Variants in FHIT observed in about 807,000 individuals in gnomAD.
FHIT encodes the protein bis(5'-adenosyl)-triphosphatase.
In FHIT, 19 loss-of-function variants were observed where a neutral mutation model predicts 17.9. That is an observed-to-expected ratio of 1.06 (90% CI 0.74 to 1.56). FHIT has a LOEUF of 1.56. Ranked by LOEUF, FHIT falls within the 40% of genes most tolerant of loss-of-function variation. The pLI is 0.00. For synonymous variants in FHIT, 81 were observed against 69.7 expected, an observed-to-expected ratio of 1.16 and a Z score of -0.81; for missense variants, 248 against 189.2, an observed-to-expected ratio of 1.31 and a Z score of -1.82.
intron 5 of FHIT, among the ~76,000 whole-genome samples, chr3:60,111,089 G>A (rs1320599455): frequency 6.6e-6 from 1 of 151,602 alleles, no homozygotes; most frequent in Non-Finnish European, 1.5e-5. Context: ...GATCTGATAG[G>A]CCAAGAAGAA....
At chr3:60,021,407 T>C (rs774636092) in intron 5 of FHIT, among the ~76,000 whole-genome samples, 2 of 152,228 alleles carry the variant, frequency 1.3e-5, no homozygotes, top group African/African-American at 4.8e-5. Flanking sequence ...CGCAGCCCGA[T>C]AGCATTCTGG....
At chr3:60,050,912 A>G (rs1045651253) in intron 5 of FHIT, among the ~76,000 whole-genome samples, 1 of 152,196 alleles carries the variant, frequency 6.6e-6, no homozygotes, top group African/African-American at 2.4e-5. Context: ...AGAGGCCTCC[A>G]TTAATTCATG....
chr3:60,287,956 T>G (rs769842757), intron 5 of FHIT, among the ~76,000 whole-genome samples: 5 of 146,460 alleles, frequency 3.4e-5, no homozygotes, highest in African/African-American at 7.6e-5. Flanking sequence ...ACCATAAATA[T>G]TTAGTATCTT....
chr3:60,433,221 A>G (rs1688344018), intron 5 of FHIT, among the ~76,000 whole-genome samples: 1 of 152,128 alleles, frequency 6.6e-6, no homozygotes, highest in Admixed American at 6.6e-5. Flanking sequence ...CTTCAGGTTC[A>G]TCTACATTAT....
intron 5 of FHIT, among the ~76,000 whole-genome samples, chr3:60,298,754 T>C (rs1440155161): frequency 1.3e-5 from 2 of 152,194 alleles, no homozygotes; most frequent in African/African-American, 4.8e-5. Flanking sequence ...CTAATGTGTA[T>C]GAAATTAGAT....
intron 5 of FHIT, among the ~76,000 whole-genome samples, chr3:60,411,129 C>G (rs1702045096): frequency 6.6e-6 from 1 of 152,110 alleles, no homozygotes; most frequent in African/African-American, 2.4e-5. Context: ...TCTGCACCAT[C>G]ATAGAACGAT....
chr3:60,534,449 A>AAAAAAAAAAAAAAC, intron 5 of FHIT, among the ~76,000 whole-genome samples: 1 of 140,288 alleles, frequency 7.1e-6, no homozygotes, highest in Non-Finnish European at 1.5e-5. Flanking sequence ...CAAAAAAAAA[A>AAAAAAAAAAAAAAC]AAAAAAAAAA....
chr3:60,818,707 G>A (rs1310305785), intron 4 of FHIT, among the ~76,000 whole-genome samples: 2 of 152,080 alleles, frequency 1.3e-5, no homozygotes, highest in East Asian at 3.9e-4. Context: ...AGAAATTTGG[G>A]TAGTGTTTAT....
intron 8 of FHIT, among the ~76,000 whole-genome samples, chr3:59,896,797 T>C (rs1704091926): frequency 6.6e-6 from 1 of 152,174 alleles, no homozygotes; most frequent in African/African-American, 2.4e-5. Flanking sequence ...GTATTTAATA[T>C]TCACAAGCAG....
At chr3:60,733,047 G>T (rs1345468052) in intron 4 of FHIT, among the ~76,000 whole-genome samples, 1 of 152,072 alleles carries the variant, frequency 6.6e-6, no homozygotes, top group Non-Finnish European at 1.5e-5. Flanking sequence ...TTTTAACAAA[G>T]ACTTCTGAAA....
At chr3:59,941,104 C>G (rs1000987667) in intron 7 of FHIT, among the ~76,000 whole-genome samples, 2 of 152,188 alleles carry the variant, frequency 1.3e-5, no homozygotes, top group Admixed American at 6.5e-5. Context: ...GTATCTCTAA[C>G]TCAATGTTAA....
At chr3:60,652,658 G>A (rs2040019062) in intron 4 of FHIT, among the ~76,000 whole-genome samples, 1 of 150,248 alleles carries the variant, frequency 6.7e-6, no homozygotes, top group Non-Finnish European at 1.5e-5. Flanking sequence ...GAACCCGGGA[G>A]CGGAGCTTGC....
chr3:60,025,186 A>G (rs1237199216), intron 5 of FHIT, among the ~76,000 whole-genome samples: 1 of 152,172 alleles, frequency 6.6e-6, no homozygotes, highest in Non-Finnish European at 1.5e-5. Context: ...TCTTGAATTT[A>G]TAGAATTCTC....
At chr3:60,823,161 C>T (rs1701986448) in intron 3 of FHIT, among the ~76,000 whole-genome samples, 1 of 152,110 alleles carries the variant, frequency 6.6e-6, no homozygotes, top group Non-Finnish European at 1.5e-5. Context: ...GGCCATCATG[C>T]TGCCTACCTT....
chr3:60,138,485 G>C (rs1478329079), intron 5 of FHIT, among the ~76,000 whole-genome samples: 2 of 152,144 alleles, frequency 1.3e-5, no homozygotes, highest in Non-Finnish European at 2.9e-5. Context: ...GACAAAACTA[G>C]CAAGTGCACA....
intron 8 of FHIT, chr3:59,886,191 G>A (rs1377756437): frequency 6.6e-6 from 1 of 152,204 alleles, no homozygotes; most frequent in Admixed American, 6.5e-5. Flanking sequence ...ATATGTGACA[G>A]TCTGGAAAAA....
At chr3:61,193,916 C>A (rs1292869552) in intron 2 of FHIT, among the ~76,000 whole-genome samples, 1 of 152,082 alleles carries the variant, frequency 6.6e-6, no homozygotes, top group Non-Finnish European at 1.5e-5. Flanking sequence ...AGCAGCCTTC[C>A]GAAATGAAGA....
chr3:60,571,536 C>T (rs577284592), intron 4 of FHIT, among the ~76,000 whole-genome samples: 14 of 151,978 alleles, frequency 9.2e-5, no homozygotes, highest in Admixed American at 5.3e-4. Context: ...AATTTGCATA[C>T]GCTCTGGGAG....
intron 8 of FHIT, among the ~76,000 whole-genome samples, chr3:59,826,558 C>T (rs562775376): frequency 2.0e-4 from 31 of 152,228 alleles, no homozygotes; most frequent in South Asian, 2.1e-4. Flanking sequence ...TGTAAGGCTT[C>T]TTGGGGAAAT....
Sources: allele counts gnomAD v4.1 joint callset (sites outside exome capture counted in the v4.1 genomes callset), GRCh38; gene constraint gnomAD v4.1.1; transcripts MANE v1.5; gene names NCBI Gene and HGNC (gene_info 2026-07-23, HGNC 2026-07-21).